GCSAML: variants seen among roughly 807,000 people sequenced by gnomAD.
GCSAML encodes germinal center-associated signaling and motility-like protein.
Under a neutral mutation model 13.0 loss-of-function variants are expected in GCSAML, and 9 were observed. The observed-to-expected ratio is 0.69, with a 90% CI of 0.42 to 1.21. GCSAML has a LOEUF of 1.21. Ranked by LOEUF, GCSAML falls within the 50% of genes most tolerant of loss-of-function variation. The pLI, the probability that GCSAML is intolerant of heterozygous loss-of-function variation, is 0.00. For missense variants in GCSAML, 143 were observed against 153.4 expected (o/e 0.93, Z 0.36); for synonymous variants, 37 against 52.9 (o/e 0.70, Z 1.31).
chr1:247,556,372 A>G, intron 1 of GCSAML, 35 bp from the exon 2 acceptor site: 1 of 1,511,612 alleles, frequency 6.6e-7, no homozygotes, highest in Non-Finnish European at 9.2e-7. Flanking sequence ...GAGGGCAGTA[A>G]CAATCTCTCT....
intron 2 of GCSAML, among the ~76,000 whole-genome samples, chr1:247,557,651 C>A (rs568640564): frequency 1.3e-3 from 203 of 152,274 alleles, no homozygotes; most frequent in Non-Finnish European, 2.2e-3. Context: ...TTGAACGACA[C>A]TTTCCTGCAC....
chr1:247,539,382 T>A (rs142704357), intron 2 of GCSAML, among the ~76,000 whole-genome samples: 1 of 152,152 alleles, frequency 6.6e-6, no homozygotes, highest in South Asian at 2.1e-4. Context: ...GCAGGTCCAG[T>A]TGGGGACCAG....
intron 2 of GCSAML, chr1:247,530,509 C>G: frequency 9.1e-6 from 1 of 109,728 alleles, no homozygotes; most frequent in Admixed American, 1.0e-4. Flanking sequence ...TCCACAAACA[C>G]CATGCCATCC....
intron 1 of GCSAML, among the ~76,000 whole-genome samples, chr1:247,521,652 G>T (rs569124819): frequency 6.6e-6 from 1 of 152,380 alleles, no homozygotes; most frequent in East Asian, 1.9e-4. Context: ...GAGGTGCTGG[G>T]ATTGCAGACG....
chr1:247,532,053 A>T, intron 2 of GCSAML: 1 of 1,613,720 alleles, frequency 6.2e-7, no homozygotes, highest in Non-Finnish European at 8.5e-7. Flanking sequence ...TGGTGGTCAG[A>T]CCCCCCAGCC....
At chr1:247,519,340 G>A (rs1049722654) in intron 1 of GCSAML, 9 of 152,180 alleles carry the variant, frequency 5.9e-5, no homozygotes, top group African/African-American at 7.2e-5. Context: ...TCCACTGAGC[G>A]GTAATGTCAT....
rs929091834 is a variant in GCSAML, at chr1:247,570,376, A to G, written c.169-3767A>G. On this transcript the variant is annotated intron_variant, in intron 4 of 4. Transcript: ENST00000366488. ...TAAATTTCCCTCTAAACACTGCTTT[A>G]GCTGTGTCCCAGAGGTTCTGGTTTG... Among the ~76,000 whole-genome samples, 12 of 152,260 alleles carry G rather than the reference A, an allele frequency of 7.9e-5. 1 individual carries two copies. In the East Asian group the frequency reaches 2.3e-3, roughly 29 times the overall value.
In GCSAML at chr1:247,521,912, C is replaced by T. The variant is rs1274394028; in HGVS notation, c.-262-5028C>T. Among the ~76,000 whole-genome samples the T allele has an allele frequency of 2.6e-5, 4 of 151,682 alleles. No homozygotes were observed. In the South Asian group the frequency reaches 6.2e-4, roughly 24 times the overall value. ...GAAGTGAGGAGCGCCTCTTCCTGGC[C>T]GCCATCCCGTCTAGGAAGTGAGGAG... On this transcript the variant is annotated intron_variant, in intron 1 of 5. Transcript: ENST00000366489.
chr1:247,556,295 G>T, intron 1 of GCSAML, 112 bp from the exon 2 acceptor site: 1 of 730,336 alleles, frequency 1.4e-6, no homozygotes, highest in Non-Finnish European at 2.4e-6. Flanking sequence ...AGGGAAGTTT[G>T]TCAAAAAGAA....
At position 247,575,269 on chromosome 1, in the gene GCSAML, A is replaced by T. The variant is rs1211204005; in HGVS notation, c.*887A>T. Reference sequence around the variant, plus strand: ...ACCTCCTGAGAGTGTATCCCAGGCCATGGTAAGTCATGTTGGCTCAGAATC... The same window carrying T: ...ACCTCCTGAGAGTGTATCCCAGGCCTTGGTAAGTCATGTTGGCTCAGAATC... On this transcript the variant is annotated 3_prime_UTR_variant, in exon 5 of 5. Coordinates refer to ENST00000366488, the MANE Select transcript of GCSAML (RefSeq NM_145278.5). The T allele has an allele frequency of 1.3e-5, 2 of 152,198 alleles. No homozygotes were observed. Among genetic ancestry groups the T allele is most frequent in the Non-Finnish European group, 2.9e-5 (2 of 68,048 alleles). The allele number at this position is 152,198 out of a possible 1,614,324, so 9.4% of individuals were successfully genotyped here. A position where few individuals can be genotyped will look rare whatever the true frequency, so the allele number is the denominator to read the frequency against.
At chr1:247,553,715 C>T (rs1251901580) in intron 1 of GCSAML, among the ~76,000 whole-genome samples, 1 of 152,162 alleles carries the variant, frequency 6.6e-6, no homozygotes, top group East Asian at 1.9e-4. Flanking sequence ...ATCTTCCTGC[C>T]TCAGCCTCCC....
At chr1:247,546,430 C>T (rs1050663137), upstream of GCSAML, among the ~76,000 whole-genome samples, 4 of 152,112 alleles carry the variant, frequency 2.6e-5, no homozygotes, top group African/African-American at 7.2e-5. Context: ...GCGATCTCGG[C>T]TCACTGCAAA....
chr1:247,514,347 G>T (rs1238496495), intron 1 of GCSAML, among the ~76,000 whole-genome samples: 2 of 152,200 alleles, frequency 1.3e-5, no homozygotes, highest in East Asian at 3.9e-4. Context: ...GCACTGATTT[G>T]AGTTCTTTGT....
At chr1:247,554,046 A>T (rs1354585902) in intron 1 of GCSAML, among the ~76,000 whole-genome samples, 3 of 152,050 alleles carry the variant, frequency 2.0e-5, no homozygotes, top group Non-Finnish European at 4.4e-5. Context: ...TAAAAATTTG[A>T]TTTATTTAAT....
At chr1:247,560,940 G>T (rs1424721287) in intron 2 of GCSAML, among the ~76,000 whole-genome samples, 1 of 151,792 alleles carries the variant, frequency 6.6e-6, no homozygotes, top group Non-Finnish European at 1.5e-5. Context: ...CATTTGTTTA[G>T]ATTTTTTTTA....
chr1:247,509,213 G>A (rs1257210423), intron 1 of GCSAML, among the ~76,000 whole-genome samples: 1 of 152,078 alleles, frequency 6.6e-6, no homozygotes, highest in Non-Finnish European at 1.5e-5. Flanking sequence ...CCTTGAAGAG[G>A]TCCTTCACAT....
At chr1:247,545,570 C>T (rs1336785225), upstream of GCSAML, among the ~76,000 whole-genome samples, 3 of 152,280 alleles carry the variant, frequency 2.0e-5, no homozygotes, top group African/African-American at 7.2e-5. Context: ...TAATCATAGT[C>T]ATCCTAACAG....
intron 2 of GCSAML, among the ~76,000 whole-genome samples, chr1:247,557,288 T>C (rs1468213664): frequency 6.6e-6 from 1 of 152,198 alleles, no homozygotes; most frequent in Non-Finnish European, 1.5e-5. Flanking sequence ...ATACGCACTT[T>C]AACGTCACTT....
At chr1:247,535,331 A>G (rs188803330) in intron 2 of GCSAML, among the ~76,000 whole-genome samples, 2 of 152,096 alleles carry the variant, frequency 1.3e-5, no homozygotes, top group East Asian at 3.9e-4. Context: ...ACAACAAACA[A>G]ACCAATCAGG....
Sources: gnomAD v4.1 joint callset for allele counts (sites outside exome capture counted in the v4.1 genomes callset) on GRCh38, gnomAD v4.1.1 for gene constraint, MANE v1.5 for transcripts, NCBI Gene and HGNC (gene_info 2026-07-23, HGNC 2026-07-21) for gene names.